B3GNT5: variants seen among roughly 807,000 people sequenced by gnomAD.
B3GNT5 encodes the protein lactosylceramide 1,3-N-acetyl-beta-D-glucosaminyltransferase.
In B3GNT5, 11 loss-of-function variants were observed where a neutral mutation model predicts 25.9. That is an observed-to-expected ratio of 0.42 (90% CI 0.27 to 0.70). B3GNT5 has a LOEUF of 0.70. Ranked by LOEUF, B3GNT5 falls within the 30% of genes least tolerant of loss-of-function variation. B3GNT5 has a pLI of 0.23. For missense variants in B3GNT5, 385 were observed against 458.4 expected (o/e 0.84, Z 1.46); for synonymous variants, 166 against 158.6 (o/e 1.05, Z -0.35).
At chr3:183,269,292 A>G (rs1726495750) in intron 1 of B3GNT5, among the ~76,000 whole-genome samples, 1 of 140,862 alleles carries the variant, frequency 7.1e-6, no homozygotes, top group Non-Finnish European at 1.5e-5. Flanking sequence ...GAATGGGAAG[A>G]CAGTGTAAAG....
intron 1 of B3GNT5, among the ~76,000 whole-genome samples, chr3:183,261,642 G>A (rs75877996): frequency 0.039 from 5,962 of 152,110 alleles, 146 homozygotes; most frequent in Middle Eastern, 0.061. Flanking sequence ...TTTAAATGAA[G>A]AAAATTATCA....
chr3:183,255,806 G>GT (rs1233732613), intron 1 of B3GNT5, among the ~76,000 whole-genome samples: 3 of 136,878 alleles, frequency 2.2e-5, no homozygotes, highest in Middle Eastern at 3.6e-3. Flanking sequence ...TGGTGAGATT[G>GT]TAAAAAAAAA....
At chr3:183,259,756 A>C (rs1725417867) in intron 1 of B3GNT5, among the ~76,000 whole-genome samples, 1 of 152,020 alleles carries the variant, frequency 6.6e-6, no homozygotes. Flanking sequence ...GGAGTCCCTG[A>C]ATCTTTTTTG....
In B3GNT5 at chr3:183,258,024, A is replaced by G. The variant is rs560943138; in HGVS notation, c.-302+4552A>G. 3.5e-3 allele frequency among the ~76,000 whole-genome samples: 456 copies of G among 129,064 alleles called. 2 individuals carry two copies. The highest frequency in any genetic ancestry group is 4.9e-3 in the Non-Finnish European group (317 of 65,272). 84.7% of individuals were successfully genotyped at this position (129,064 alleles called of 152,430 possible). A position where few individuals can be genotyped will look rare whatever the true frequency, so the allele number is the denominator to read the frequency against. Reference sequence around the variant, plus strand: ...GCTCTGTTGCCCAGGCTGGAGTGCAATGGTGCCATCTCGGCTCACCGCAAC... The same window carrying G: ...GCTCTGTTGCCCAGGCTGGAGTGCAGTGGTGCCATCTCGGCTCACCGCAAC... On this transcript the variant is annotated intron_variant, in intron 1 of 1. Coordinates refer to ENST00000326505, the MANE Select transcript of B3GNT5 (RefSeq NM_032047.5).
Position 183,272,906 on chromosome 3 carries a change from G to A in B3GNT5, c.*1971G>A. ...TTTGTGAAACAATTATTTATTTGCT[G>A]AAAGAGCTCTTCTGAACTGTGTCCT... On this transcript the variant is annotated 3_prime_UTR_variant, in exon 2 of 2. Coordinates refer to ENST00000326505, the MANE Select transcript of B3GNT5 (RefSeq NM_032047.5). The A allele has an allele frequency of 7.5e-7, 1 of 1,336,170 alleles. No individual in the cohort carries two copies. The highest frequency in any genetic ancestry group is 1.9e-5 in the South Asian group (1 of 52,606). The allele number at this position is 1,336,170 out of a possible 1,614,324, so 82.8% of individuals were successfully genotyped here.
Position 183,267,280 on chromosome 3 carries a change from G to A in B3GNT5, c.-301-2218G>A, listed in dbSNP as rs1399346162. Among the ~76,000 whole-genome samples, 5 of 152,178 alleles carry A rather than the reference G, an allele frequency of 3.3e-5. No individual in the cohort carries two copies. Among genetic ancestry groups the A allele is most frequent in the South Asian group, 2.1e-4 (1 of 4,834 alleles). On this transcript the variant is annotated intron_variant, in intron 1 of 1. Coordinates refer to ENST00000326505, the MANE Select transcript of B3GNT5 (RefSeq NM_032047.5). This position sits in a 1 kb window ranked among gnomAD's most constrained non-coding sequence, Gnocchi z 5.5. ...CAGTTTTCAAATCAATGCCCTTGGCGATAAAGTGTGCCCTATACTGATTAT... is the reference window on the plus strand; with the variant it reads ...CAGTTTTCAAATCAATGCCCTTGGCAATAAAGTGTGCCCTATACTGATTAT...
In B3GNT5 at chr3:183,270,259, A is replaced by G; in HGVS notation, c.461A>G (p.Asn154Ser). ...CTGGCTTGGGAAGATCAAAGGTACA[A>G]TGATATAATTCAGCAAGACTTTGTT... ...RKLAWEDQRY[N>S]DIIQQDFVDS... Residue 154 changes from asparagine (N) to serine (S), a missense_variant, in exon 2 of 2, where the codon AAT (asparagine) becomes AGT (serine). Physicochemically the swap from Asn to Ser is conservative, Grantham distance 46. Transcript: ENST00000326505. This position sits in a 1 kb window ranked among gnomAD's most constrained non-coding sequence, Gnocchi z 4.5. The G allele has an allele frequency of 1.2e-6, 2 of 1,614,176 alleles. No homozygotes were observed. Among genetic ancestry groups the G allele is most frequent in the Non-Finnish European group, 1.7e-6 (2 of 1,179,982 alleles).
intron 1 of B3GNT5, chr3:183,254,312 C>T (rs1456162517): frequency 6.6e-6 from 1 of 151,826 alleles, no homozygotes; most frequent in African/African-American, 2.4e-5. Flanking sequence ...GCCCGGACCG[C>T]GCACGGCCCA....
chr3:183,260,338 G>T (rs577571859), intron 1 of B3GNT5, among the ~76,000 whole-genome samples: 3 of 152,148 alleles, frequency 2.0e-5, no homozygotes, highest in South Asian at 4.1e-4. Flanking sequence ...GGTAAAAGGA[G>T]AAGTTTCTTA....
chr3:183,270,635 T>TG lies in B3GNT5; in HGVS notation c.837_838insG (p.Tyr280ValfsTer13). 2 of 1,614,162 alleles carry TG rather than the reference T, an allele frequency of 1.2e-6. No homozygotes were observed. The highest frequency in any genetic ancestry group is 1.7e-6 in the Non-Finnish European group (2 of 1,180,034). On this transcript the variant is annotated frameshift_variant, in exon 2 of 2. Coordinates refer to ENST00000326505, the MANE Select transcript of B3GNT5 (RefSeq NM_032047.5). LOFTEE classifies it high-confidence loss of function. The surrounding 1 kb of genome is among the most constrained non-coding windows in gnomAD (Gnocchi z 4.5). The stretch of plus-strand genomic sequence containing the variant: ...CATCACAGACACTAAATTCAAGTCT[T>TG]TACATAGACGATGTGTTCATGGGCC...
chr3:183,269,596 G>A lies in B3GNT5; in HGVS notation c.-203G>A, dbSNP rs950338635. The A allele has an allele frequency of 1.6e-4, 79 of 507,898 alleles. No individual in the cohort carries two copies. Among genetic ancestry groups the A allele is most frequent in the Non-Finnish European group, 2.3e-4 (68 of 295,492 alleles). 31.5% of individuals were successfully genotyped at this position (507,898 alleles called of 1,614,324 possible). On this transcript the variant is annotated 5_prime_UTR_variant, in exon 2 of 2. Transcript: ENST00000326505. Reference sequence around the variant, plus strand: ...AGAATTTTGACGTGCCAGTGTCCTCGTTCTACAGGGTGTTCCATTCTTCCG... The same window carrying A: ...AGAATTTTGACGTGCCAGTGTCCTCATTCTACAGGGTGTTCCATTCTTCCG...
rs965196331 is a variant in B3GNT5 at position 183,271,502 on chromosome 3, C to T, written c.*567C>T. Reference sequence around the variant, plus strand: ...TTATAAACAGACAAATCACGTCTTACCACATCCATGTAGCTACTGGTGTTA... The same window carrying T: ...TTATAAACAGACAAATCACGTCTTATCACATCCATGTAGCTACTGGTGTTA... On this transcript the variant is annotated 3_prime_UTR_variant, in exon 2 of 2. Coordinates refer to ENST00000326505, the MANE Select transcript of B3GNT5 (RefSeq NM_032047.5). 1 of 167,092 alleles carries T rather than the reference C, an allele frequency of 6.0e-6. No individual in the cohort carries two copies. Among genetic ancestry groups the T allele is most frequent in the African/African-American group, 2.4e-5 (1 of 41,464 alleles). The allele number at this position is 167,092 out of a possible 1,614,324, so 10.4% of individuals were successfully genotyped here. A position where few individuals can be genotyped will look rare whatever the true frequency, so the allele number is the denominator to read the frequency against.
rs1205425183 is a variant in B3GNT5, at chr3:183,271,069, GTT to G, written c.*136_*137del. On this transcript the variant is annotated 3_prime_UTR_variant, in exon 2 of 2. Transcript: ENST00000326505. ...TTTTGAAAGCCTAGTCCATCAGAAT[GTT>G]TCTTTGATTCTAGAAGCTGTTTAAT... 1.3e-6 allele frequency: 1 copy of G among 791,944 alleles called. No homozygotes were observed. The highest frequency in any genetic ancestry group is 1.8e-5 in the African/African-American group (1 of 55,494). The allele number at this position is 791,944 out of a possible 1,614,324, so 49.1% of individuals were successfully genotyped here.
At chr3:183,263,985 A>G (rs1388488032) in intron 1 of B3GNT5, among the ~76,000 whole-genome samples, 1 of 152,160 alleles carries the variant, frequency 6.6e-6, no homozygotes, top group East Asian at 1.9e-4. Context: ...TGAGCCCTTG[A>G]GAAACCAGCG....
chr3:183,270,731 T>C lies in B3GNT5; in HGVS notation c.933T>C (p.Tyr311=). ...TTTCTGGAGAGGGTAAAACTCCTTA[T>C]CATCCCTGCATCTATGAAAAAATGA... The part of the protein sequence containing the change: ...VFFSGEGKTP[Y]HPCIYEKMMT... The change falls in exon 2 of 2, where the codon TAT becomes TAC. Residue 311 remains tyrosine (Y), a synonymous_variant. Coordinates refer to ENST00000326505, the MANE Select transcript of B3GNT5 (RefSeq NM_032047.5). This position sits in a 1 kb window ranked among gnomAD's most constrained non-coding sequence, Gnocchi z 4.5. The C allele has an allele frequency of 6.2e-7, 1 of 1,613,734 alleles. No homozygotes were observed. Among genetic ancestry groups the C allele is most frequent in the African/African-American group, 1.3e-5 (1 of 74,988 alleles).
Position 183,273,299 on chromosome 3 carries a change from G to C in B3GNT5, c.*2364G>C, listed in dbSNP as rs1726944376. On this transcript the variant is annotated 3_prime_UTR_variant, in exon 2 of 2. Coordinates refer to ENST00000326505, the MANE Select transcript of B3GNT5 (RefSeq NM_032047.5). ...TTTTATACCAAAATGTTAAATATTT[G>C]TATTACTTGAATTTTGCTCTTGTAT... is the stretch of plus-strand genomic sequence containing the variant. 2 of 303,768 alleles carry C rather than the reference G, an allele frequency of 6.6e-6. No homozygotes were observed. Among genetic ancestry groups the C allele is most frequent in the Non-Finnish European group, 1.3e-5 (2 of 157,852 alleles). The allele number at this position is 303,768 out of a possible 1,614,324, so 18.8% of individuals were successfully genotyped here. A position where few individuals can be genotyped will look rare whatever the true frequency, so the allele number is the denominator to read the frequency against.
rs763961100 is a variant in B3GNT5 at position 183,270,933 on chromosome 3, T to C, written c.1135T>C (p.Ter379GlnextTer1). The C allele has an allele frequency of 3.2e-6, 5 of 1,559,458 alleles. No individual in the cohort carries two copies. The Admixed American group carries it at 1.0e-4, about 32-fold the overall frequency. The change falls in exon 2 of 2, where the codon TAA becomes CAA. Residue 379 changes from the stop codon to glutamine, a stop_lost. Transcript: ENST00000326505. The surrounding 1 kb of genome is among the most constrained non-coding windows in gnomAD (Gnocchi z 4.5). ...ATACCCTTGTAGGGCTGCGTTTATC[T>C]AATAGTACTTGAATGTTGTATGTTT... is the stretch of plus-strand genomic sequence containing the variant. Reference protein sequence around the residue: ...DTYPCRAAFI* With the variant: ...DTYPCRAAFIQ
chr3:183,270,648 G>A lies in B3GNT5; in HGVS notation c.850G>A (p.Val284Met), dbSNP rs1726683418. The change falls in exon 2 of 2, where the codon GTG (valine) becomes ATG (methionine). Residue 284 changes from valine (V) to methionine (M), a missense_variant. By Grantham distance (21) the Val-to-Met change is conservative. Transcript: ENST00000326505. The surrounding 1 kb of genome is among the most constrained non-coding windows in gnomAD (Gnocchi z 4.5). Reference sequence around the variant, plus strand: ...AAATTCAAGTCTTTACATAGACGATGTGTTCATGGGCCTCTGTGCCAATAA... The same window carrying A: ...AAATTCAAGTCTTTACATAGACGATATGTTCATGGGCCTCTGTGCCAATAA... ...TLNSSLYIDD[V>M]FMGLCANKIG... is the part of the protein sequence containing the mutation. The A allele has an allele frequency of 6.2e-7, 1 of 1,614,158 alleles. No individual in the cohort carries two copies. The highest frequency in any genetic ancestry group is 8.5e-7 in the Non-Finnish European group (1 of 1,180,026).
intron 1 of B3GNT5, among the ~76,000 whole-genome samples, chr3:183,261,711 A>G (rs1725603220): frequency 6.6e-6 from 1 of 152,108 alleles, no homozygotes; most frequent in South Asian, 2.1e-4. Context: ...CCGCAAGGAA[A>G]AAACCAGAGC....
Sources: gnomAD v4.1 joint callset for allele counts (sites outside exome capture counted in the v4.1 genomes callset) on GRCh38, gnomAD v4.1.1 for gene constraint, Gnocchi (gnomAD v3.1) non-coding constraint, MANE v1.5 for transcripts, NCBI Gene and HGNC (gene_info 2026-07-23, HGNC 2026-07-21) for gene names.